ABCA8: variants seen among roughly 807,000 people sequenced by gnomAD.
The protein encoded by ABCA8 is ABC-type organic anion transporter ABCA8.
Under a neutral mutation model 192.3 loss-of-function variants are expected in ABCA8, and 177 were observed. That is an observed-to-expected ratio of 0.92 (90% CI 0.81 to 1.04). ABCA8 has a LOEUF of 1.04. Ranked by LOEUF, ABCA8 falls within the 50% of genes least tolerant of loss-of-function variation. ABCA8 has a pLI of 0.00. For synonymous variants in ABCA8, 642 were observed against 690.2 expected, an observed-to-expected ratio of 0.93 and a Z score of 1.09; for missense variants, 1,915 against 1,904.8, an observed-to-expected ratio of 1.01 and a Z score of -0.10.
intron 2 of ABCA8, chr17:68,944,879 C>A (rs1567886838): frequency 6.6e-6 from 1 of 152,200 alleles, no homozygotes; most frequent in East Asian, 1.9e-4. Context: ...GACGCTCTCA[C>A]AGGTCCAGAA....
chr17:68,927,156 G>T (rs2067724481), intron 10 of ABCA8, among the ~76,000 whole-genome samples: 1 of 152,146 alleles, frequency 6.6e-6, no homozygotes, highest in Non-Finnish European at 1.5e-5. Flanking sequence ...TACTTGGGAG[G>T]CTGAGGCAGG....
chr17:68,940,551 C>A (rs1360758297), intron 4 of ABCA8, among the ~76,000 whole-genome samples: 3 of 152,064 alleles, frequency 2.0e-5, no homozygotes, highest in Non-Finnish European at 4.4e-5. Context: ...AAATGGTAAA[C>A]CCTTGTTTGG....
At position 68,932,580 on chromosome 17, in the gene ABCA8, A is replaced by T. The variant is rs1011566488; in HGVS notation, c.571-66T>A. On this transcript the variant is annotated intron_variant, in intron 6 of 39. Coordinates refer to ENST00000586539, the MANE Select transcript of ABCA8 (RefSeq NM_001288985.2). The stretch of plus-strand genomic sequence containing the variant: ...AACAGCATGCAGTTTTCTTTTAACC[A>T]TCTATTTTCTTGTGGATGTATGATT... The T allele has an allele frequency of 5.9e-6, 7 of 1,193,192 alleles. No individual in the cohort carries two copies. In the Admixed American group the frequency reaches 1.1e-4, roughly 19 times the overall value. The allele number at this position is 1,193,192 out of a possible 1,614,324, so 73.9% of individuals were successfully genotyped here.
chr17:68,885,783 C>G (rs1406993304), intron 26 of ABCA8, among the ~76,000 whole-genome samples: 1 of 152,006 alleles, frequency 6.6e-6, no homozygotes, highest in Non-Finnish European at 1.5e-5. Context: ...TTCTTGGGCT[C>G]AAGTGATCCA....
chr17:68,929,726 T>A lies in ABCA8; in HGVS notation c.798-24A>T, dbSNP rs1328812464. 5 of 1,576,990 alleles carry A rather than the reference T, an allele frequency of 3.2e-6. No homozygotes were observed. In the African/African-American group the frequency reaches 6.9e-5, roughly 22 times the overall value. ...GCCTAATGTGGAAACAAAATGTTAT[T>A]TTAGTATTTTATGTTCACTTGAAAA... On this transcript the variant is annotated intron_variant, in intron 7 of 39. Transcript: ENST00000586539.
intron 9 of ABCA8, 87 bp downstream of exon 9, chr17:68,928,962 T>C (rs948278051): frequency 1.7e-6 from 2 of 1,146,900 alleles, no homozygotes; most frequent in African/African-American, 1.6e-5. Flanking sequence ...CTTACAATGC[T>C]GAGTTTGTAA....
chr17:68,924,215 G>A (rs900659278), intron 11 of ABCA8, among the ~76,000 whole-genome samples: 2 of 151,908 alleles, frequency 1.3e-5, no homozygotes, highest in African/African-American at 4.8e-5. Context: ...GCTTGGTGGT[G>A]GGTGCCTGTA....
intron 29 of ABCA8, 45 bp downstream of exon 29, chr17:68,883,746 A>T: frequency 7.9e-7 from 1 of 1,258,414 alleles, no homozygotes; most frequent in Non-Finnish European, 1.1e-6. Context: ...AAAATATTTT[A>T]CGATATTGAT....
chr17:68,873,134 A>G (rs562811532), intron 37 of ABCA8, among the ~76,000 whole-genome samples: 26 of 152,336 alleles, frequency 1.7e-4, no homozygotes, highest in African/African-American at 5.3e-4. Context: ...AGCTGCGTTC[A>G]TGGTAAGTGC....
Position 68,870,622 on chromosome 17 carries a change from A to T in ABCA8, c.4632-843T>A, listed in dbSNP as rs73355665. ...GAGTTTGTCTTTATGTGACTGATTTAGTTCACTCAGCATAAAGTCCTCAAG... is the reference window on the plus strand; with the variant it reads ...GAGTTTGTCTTTATGTGACTGATTTTGTTCACTCAGCATAAAGTCCTCAAG... On this transcript the variant is annotated intron_variant, in intron 37 of 39. Coordinates refer to ENST00000586539, the MANE Select transcript of ABCA8 (RefSeq NM_001288985.2). Among the ~76,000 whole-genome samples, 206 of 152,312 alleles carry T rather than the reference A, an allele frequency of 1.4e-3. 2 individuals carry two copies. Among genetic ancestry groups the T allele is most frequent in the African/African-American group, 4.2e-3 (176 of 41,576 alleles).
At chr17:68,907,108 C>A (rs2067087953) in intron 18 of ABCA8, among the ~76,000 whole-genome samples, 1 of 152,050 alleles carries the variant, frequency 6.6e-6, no homozygotes, top group South Asian at 2.1e-4. Flanking sequence ...TACAAATTTT[C>A]TTTAAATTAT....
intron 23 of ABCA8, among the ~76,000 whole-genome samples, chr17:68,892,590 T>C (rs866153365): frequency 6.6e-6 from 1 of 152,216 alleles, no homozygotes; most frequent in South Asian, 2.1e-4. Flanking sequence ...TCTTGATAGA[T>C]AGAAGTCTGA....
At chr17:68,920,634 G>A (rs901220351) in intron 13 of ABCA8, among the ~76,000 whole-genome samples, 2 of 152,158 alleles carry the variant, frequency 1.3e-5, no homozygotes, top group African/African-American at 4.8e-5. Context: ...ATTAACACTT[G>A]AAAGAATTTC....
intron 11 of ABCA8, among the ~76,000 whole-genome samples, chr17:68,923,392 G>A (rs1047501980): frequency 1.3e-5 from 2 of 151,948 alleles, no homozygotes; most frequent in Non-Finnish European, 2.9e-5. Flanking sequence ...TAGAGATGGG[G>A]TTTTGCCATG....
At chr17:68,878,619 C>A (rs1452433380) in intron 32 of ABCA8, 2 of 152,192 alleles carry the variant, frequency 1.3e-5, no homozygotes, top group Admixed American at 1.3e-4. Context: ...GTCAGACTTA[C>A]CTTTTACAAG....
chr17:68,948,160 G>T (rs1598300286), intron 2 of ABCA8, among the ~76,000 whole-genome samples: 1 of 152,266 alleles, frequency 6.6e-6, no homozygotes, highest in East Asian at 1.9e-4. Flanking sequence ...GGGCATTTGG[G>T]TTGGTTCCAA....
chr17:68,915,497 A>G (rs2067331893), intron 17 of ABCA8, among the ~76,000 whole-genome samples: 1 of 152,204 alleles, frequency 6.6e-6, no homozygotes. Flanking sequence ...AAGAAGACAT[A>G]CAAATGACAA....
At chr17:68,882,113 C>G in intron 30 of ABCA8, 133 bp from the exon 31 acceptor site, 1 of 742,074 alleles carries the variant, frequency 1.3e-6, no homozygotes, top group Non-Finnish European at 2.3e-6. Context: ...TATTTGGTGA[C>G]ATGCTCCTTG....
intron 17 of ABCA8, among the ~76,000 whole-genome samples, chr17:68,908,917 C>T (rs190807536): frequency 1.3e-5 from 2 of 152,220 alleles, no homozygotes; most frequent in East Asian, 3.9e-4. Flanking sequence ...ACTTGACAAG[C>T]CCTTAAAAAT....
Sources: allele counts gnomAD v4.1 joint callset (sites outside exome capture counted in the v4.1 genomes callset), GRCh38; gene constraint gnomAD v4.1.1; transcripts MANE v1.5; gene names NCBI Gene and HGNC (gene_info 2026-07-23, HGNC 2026-07-21).